The following PLS1 variants were observed in gnomAD, a reference collection of about 807,000 sequenced individuals.
The protein encoded by PLS1 is plastin-1.
In PLS1, 32 loss-of-function variants were observed where a neutral mutation model predicts 73.7. That is an observed-to-expected ratio of 0.43 (90% CI 0.33 to 0.58). PLS1 has a LOEUF of 0.58. Among genes scored for constraint, PLS1 ranks in the 20% least tolerant of loss-of-function variants. PLS1 has a pLI of 0.04. For synonymous variants in PLS1, 217 were observed against 261.3 expected (o/e 0.83, Z 1.63); for missense variants, 633 against 740.5 (o/e 0.85, Z 1.68).
At chr3:142,675,145 C>G (rs1297106120) in intron 4 of PLS1, among the ~76,000 whole-genome samples, 1 of 152,198 alleles carries the variant, frequency 6.6e-6, no homozygotes, top group Non-Finnish European at 1.5e-5. Flanking sequence ...TCACAGCTCT[C>G]TAAACCTTTT....
intron 1 of PLS1, among the ~76,000 whole-genome samples, chr3:142,599,848 C>T (rs548380079): frequency 5.3e-5 from 8 of 152,240 alleles, no homozygotes; most frequent in Non-Finnish European, 1.0e-4. Context: ...TTGACCTCCC[C>T]GGGCTCAAGT....
At chr3:142,674,012 C>T (rs1221210099) in intron 4 of PLS1, 4 of 152,180 alleles carry the variant, frequency 2.6e-5, no homozygotes, top group Non-Finnish European at 5.9e-5. Flanking sequence ...TCTTTCCTTG[C>T]CTATATTCAC....
chr3:142,645,062 C>T (rs1174950108), intron 1 of PLS1, among the ~76,000 whole-genome samples: 1 of 152,182 alleles, frequency 6.6e-6, no homozygotes, highest in Non-Finnish European at 1.5e-5. Context: ...TGGTGGCATT[C>T]AGACTATTAA....
Position 142,684,121 on chromosome 3 carries a change from A to G in PLS1, c.695A>G (p.Gln232Arg). The G allele has an allele frequency of 6.2e-7, 1 of 1,614,126 alleles. No homozygotes were observed. The highest frequency in any genetic ancestry group is 8.5e-7 in the Non-Finnish European group (1 of 1,179,968). Residue 232 changes from glutamine to arginine, a missense_variant, in exon 7 of 16, where the codon CAG becomes CGG. Coordinates refer to ENST00000457734, the MANE Select transcript of PLS1 (RefSeq NM_001145319.2). ...CACTTGGTCTTGGGACTTCTCTGGC[A>G]GATCATCAAAGTTGGCCTTTTTGCT... The part of the protein sequence containing the change: ...KPHLVLGLLW[Q>R]IIKVGLFADI...
chr3:142,666,113 C>A (rs761321714), intron 2 of PLS1, among the ~76,000 whole-genome samples: 2 of 152,080 alleles, frequency 1.3e-5, no homozygotes, highest in Non-Finnish European at 2.9e-5. Context: ...TTGGGGGCCA[C>A]TGGGGAGAAG....
At chr3:142,704,051 A>G (rs758401274) in intron 13 of PLS1, 50 bp downstream of exon 13, 23 of 1,522,560 alleles carry the variant, frequency 1.5e-5, no homozygotes, top group Non-Finnish European at 1.9e-5. Context: ...TCCAACAAGT[A>G]ATCTGAACCA....
intron 3 of PLS1, 135 bp downstream of exon 3, chr3:142,669,688 TGAC>T: frequency 2.2e-6 from 1 of 458,000 alleles, no homozygotes; most frequent in Non-Finnish European, 3.9e-6. Context: ...ATGATGATGA[TGAC>T]AATAACTATT....
At chr3:142,636,904 C>T (rs920309675) in intron 1 of PLS1, among the ~76,000 whole-genome samples, 1 of 152,074 alleles carries the variant, frequency 6.6e-6, no homozygotes, top group African/African-American at 2.4e-5. Context: ...TTAGAAAGAT[C>T]GATCATACCA....
At chr3:142,635,266 AAG>A (rs564784581) in intron 1 of PLS1, among the ~76,000 whole-genome samples, 5 of 152,142 alleles carry the variant, frequency 3.3e-5, no homozygotes, top group Non-Finnish European at 7.4e-5. Context: ...AAGAAGAAAA[AAG>A]AGGAAAAAAG....
intron 14 of PLS1, among the ~76,000 whole-genome samples, chr3:142,704,815 ATT>A (rs375093448): frequency 5.2e-4 from 69 of 133,444 alleles, no homozygotes; most frequent in African/African-American, 1.6e-3. Flanking sequence ...CACCCGGCTA[ATT>A]TTTTTTTTTT....
intron 1 of PLS1, among the ~76,000 whole-genome samples, chr3:142,639,306 A>T (rs1181494559): frequency 6.6e-6 from 1 of 152,114 alleles, no homozygotes; most frequent in Non-Finnish European, 1.5e-5. Flanking sequence ...CCCTGCTGAC[A>T]TCTGAAGTGT....
intron 1 of PLS1, among the ~76,000 whole-genome samples, chr3:142,655,450 G>T (rs1266388405): frequency 6.6e-6 from 1 of 152,140 alleles, no homozygotes. Context: ...GCCGGGCACC[G>T]TGGCTCATGC....
At chr3:142,692,590 A>G (rs1199118375) in intron 10 of PLS1, among the ~76,000 whole-genome samples, 1 of 152,132 alleles carries the variant, frequency 6.6e-6, no homozygotes, top group African/African-American at 2.4e-5. Context: ...GGTATCAAAA[A>G]TTAAAATAAT....
chr3:142,709,710 A>G (rs1186415247), intron 14 of PLS1, among the ~76,000 whole-genome samples: 1 of 151,798 alleles, frequency 6.6e-6, no homozygotes, highest in African/African-American at 2.4e-5. Context: ...CCAGCTACTC[A>G]GGAGGCTGAG....
chr3:142,689,891 G>A (rs551282682), intron 10 of PLS1, 78 bp downstream of exon 10: 2 of 932,236 alleles, frequency 2.1e-6, no homozygotes, highest in South Asian at 1.9e-5. Context: ...TCAGAGATAG[G>A]GGATTGTGGT....
At chr3:142,699,439 GA>G (rs2038280098) in intron 12 of PLS1, among the ~76,000 whole-genome samples, 1 of 151,942 alleles carries the variant, frequency 6.6e-6, no homozygotes, top group Non-Finnish European at 1.5e-5. Flanking sequence ...GCCTGGGTGA[GA>G]AAGCAAAACT....
intron 1 of PLS1, among the ~76,000 whole-genome samples, chr3:142,616,362 C>T (rs569687217): frequency 6.6e-6 from 1 of 152,126 alleles, no homozygotes; most frequent in Non-Finnish European, 1.5e-5. Flanking sequence ...GGCACACTAG[C>T]AGGAAGAGAA....
intron 1 of PLS1, among the ~76,000 whole-genome samples, chr3:142,620,825 C>A (rs556581561): frequency 6.6e-6 from 1 of 152,226 alleles, no homozygotes; most frequent in Admixed American, 6.5e-5. Flanking sequence ...TCAAGACCAG[C>A]TGGCCAACAT....
rs768235395 is a variant in PLS1 at position 142,664,269 on chromosome 3, AG to A, written c.34del (p.Glu12SerfsTer12). MENSTTTISREELEELQEAFN... is the reference protein window; with the variant it reads MENSTTTISRXELEELQEAFN... ...AACAGTACTACTACCATTTCTCGGGAGGAGCTTGAAGAACTACAAGAGGCAT... is the reference window on the plus strand; with the variant it reads ...AACAGTACTACTACCATTTCTCGGGAGAGCTTGAAGAACTACAAGAGGCAT... On this transcript the variant is annotated frameshift_variant, in exon 2 of 16. Transcript: ENST00000457734. LOFTEE classifies it high-confidence loss of function. 1 of 1,594,614 alleles carries A rather than the reference AG, an allele frequency of 6.3e-7. No homozygotes were observed. The highest frequency in any genetic ancestry group is 8.6e-7 in the Non-Finnish European group (1 of 1,164,412).
Sources: allele counts gnomAD v4.1 joint callset (sites outside exome capture counted in the v4.1 genomes callset), GRCh38; gene constraint gnomAD v4.1.1; transcripts MANE v1.5; gene names NCBI Gene and HGNC (gene_info 2026-07-23, HGNC 2026-07-21).